Variants in CDIN1 observed in about 807,000 individuals in gnomAD.
The protein encoded by CDIN1 is CDAN1 interacting nuclease 1, also known as CDAN1-interacting nuclease 1.
A neutral mutation model predicts 45.3 loss-of-function variants in CDIN1; 33 were observed. That is an observed-to-expected ratio of 0.73 (90% confidence interval 0.55 to 0.97). CDIN1 has a LOEUF of 0.97. Among genes scored for constraint, CDIN1 ranks in the 50% least tolerant of loss-of-function variants. The pLI is 0.00. For missense variants in CDIN1, 303 were observed against 339.4 expected (o/e 0.89, Z 0.84); for synonymous variants, 118 against 124.4 (o/e 0.95, Z 0.34).
intron 10 of CDIN1, among the ~76,000 whole-genome samples, chr15:36,716,263 C>T (rs1408769348): frequency 1.3e-5 from 2 of 152,096 alleles, no homozygotes; most frequent in Non-Finnish European, 2.9e-5. Flanking sequence ...TGTTGACACC[C>T]ACTATGACAA....
intron 5 of CDIN1, among the ~76,000 whole-genome samples, chr15:36,680,019 A>G (rs1420508177): frequency 6.6e-6 from 1 of 152,218 alleles, no homozygotes; most frequent in Non-Finnish European, 1.5e-5. Context: ...TTGAGAATCT[A>G]ATAGAACTGA....
At chr15:36,746,906 T>C (rs1276802464) in intron 10 of CDIN1, 3 of 397,914 alleles carry the variant, frequency 7.5e-6, no homozygotes, top group Admixed American at 4.4e-5. Flanking sequence ...CATGCCACCA[T>C]GCCCAGCTAA....
At chr15:36,791,183 T>C (rs1347688300) in intron 10 of CDIN1, among the ~76,000 whole-genome samples, 2 of 152,316 alleles carry the variant, frequency 1.3e-5, no homozygotes, top group East Asian at 3.9e-4. Flanking sequence ...ATCTTACATA[T>C]GCCATAAGGT....
At position 36,709,311 on chromosome 15, in the gene CDIN1, G is replaced by A. The variant is rs1332699876; in HGVS notation, c.610+23G>A. 2.5e-6 allele frequency: 4 copies of A among 1,571,378 alleles called. No individual in the cohort carries two copies. The African/African-American group carries it at 4.1e-5, about 16-fold the overall frequency. On this transcript the variant is annotated intron_variant, in intron 9 of 10. Transcript: ENST00000566621. ...TTGGTAAGTTCTTTAACTCTGTTAT[G>A]CATTTGTTTTTAGAGAAAAGGGATG... is the stretch of plus-strand genomic sequence containing the variant.
At chr15:36,696,960 A>G (rs2140750581) in intron 7 of CDIN1, among the ~76,000 whole-genome samples, 1 of 150,592 alleles carries the variant, frequency 6.6e-6, no homozygotes, top group Non-Finnish European at 1.5e-5. Context: ...AAAAAAAAAA[A>G]AAAAAAAAAA....
intron 10 of CDIN1, among the ~76,000 whole-genome samples, chr15:36,729,921 T>C (rs2043778577): frequency 6.6e-6 from 1 of 152,204 alleles, no homozygotes; most frequent in Non-Finnish European, 1.5e-5. Context: ...ACCAGCATCA[T>C]GATTTGTTCT....
At chr15:36,610,136 T>C (rs928998470) in intron 1 of CDIN1, among the ~76,000 whole-genome samples, 1 of 152,124 alleles carries the variant, frequency 6.6e-6, no homozygotes, top group African/African-American at 2.4e-5. Flanking sequence ...AACTATAATA[T>C]AGGAAATATT....
chr15:36,612,438 AT>A (rs935453812), intron 1 of CDIN1, among the ~76,000 whole-genome samples: 3 of 152,092 alleles, frequency 2.0e-5, no homozygotes, highest in African/African-American at 7.2e-5. Context: ...GTTATTTGGG[AT>A]TGTATTTTCT....
chr15:36,596,161 A>G (rs1373667679), intron 1 of CDIN1, among the ~76,000 whole-genome samples: 1 of 144,590 alleles, frequency 6.9e-6, no homozygotes, highest in African/African-American at 2.6e-5. Flanking sequence ...TAGAGTCAGT[A>G]TCTTGTTGAT....
At chr15:36,727,309 T>C (rs1476656065) in intron 10 of CDIN1, among the ~76,000 whole-genome samples, 1 of 151,432 alleles carries the variant, frequency 6.6e-6, no homozygotes, top group Non-Finnish European at 1.5e-5. Context: ...AGACGCTGTT[T>C]ATCTGTCAGA....
intron 1 of CDIN1, among the ~76,000 whole-genome samples, chr15:36,634,486 C>G (rs917292181): frequency 2.0e-5 from 3 of 152,112 alleles, no homozygotes; most frequent in Non-Finnish European, 4.4e-5. Flanking sequence ...TACTTTATGG[C>G]CTTTGATTGT....
At chr15:36,636,205 CAAT>C (rs2039891432) in intron 1 of CDIN1, among the ~76,000 whole-genome samples, 2 of 152,104 alleles carry the variant, frequency 1.3e-5, no homozygotes, top group African/African-American at 2.4e-5. Context: ...CAAAGAGCCA[CAAT>C]TTGACTGTTA....
chr15:36,734,316 T>G lies in CDIN1; in HGVS notation c.716+24355T>G, dbSNP rs76536525. 1.2e-4 allele frequency: 47 copies of G among 392,528 alleles called. No homozygotes were observed. The East Asian group carries it at 3.3e-3, about 28-fold the overall frequency. 24.3% of individuals were successfully genotyped at this position (392,528 alleles called of 1,614,324 possible). ...ATGTTCATGTACACTTTGTTCATCCTTAGAACAATACTAATACTATGTAGT... is the reference window on the plus strand; with the variant it reads ...ATGTTCATGTACACTTTGTTCATCCGTAGAACAATACTAATACTATGTAGT... On this transcript the variant is annotated intron_variant, in intron 10 of 10. Transcript: ENST00000566621.
intron 10 of CDIN1, among the ~76,000 whole-genome samples, chr15:36,752,685 G>A (rs1447071708): frequency 1.3e-5 from 2 of 152,136 alleles, no homozygotes; most frequent in Non-Finnish European, 2.9e-5. Flanking sequence ...AGTTGCTACA[G>A]GTCTTAATAG....
intron 8 of CDIN1, chr15:36,705,414 T>G (rs1269031782): frequency 6.6e-6 from 1 of 152,146 alleles, no homozygotes; most frequent in African/African-American, 2.4e-5. Context: ...TTGATCAAAT[T>G]TAAATATTTG....
chr15:36,703,257 G>T (rs1399351981), intron 8 of CDIN1, among the ~76,000 whole-genome samples: 5 of 72,192 alleles, frequency 6.9e-5, no homozygotes, highest in East Asian at 5.2e-4. Context: ...ATCAGAAAGG[G>T]ATATATATAT....
chr15:36,740,746 G>A (rs748624805), intron 10 of CDIN1, among the ~76,000 whole-genome samples: 1 of 151,974 alleles, frequency 6.6e-6, no homozygotes, highest in Non-Finnish European at 1.5e-5. Context: ...AAAATCAGCC[G>A]GGCATGGTGG....
intron 9 of CDIN1, among the ~76,000 whole-genome samples, chr15:36,709,551 G>T (rs528218886): frequency 2.0e-5 from 3 of 152,074 alleles, no homozygotes; most frequent in Non-Finnish European, 2.9e-5. Context: ...CTTAAACATA[G>T]ATCTCTTGAA....
chr15:36,759,502 A>G (rs986763661), intron 10 of CDIN1, among the ~76,000 whole-genome samples: 1 of 152,202 alleles, frequency 6.6e-6, no homozygotes, highest in African/African-American at 2.4e-5. Flanking sequence ...CTAAAAAAAA[A>G]ACTCATTTAA....
Sources: gnomAD v4.1 joint callset for allele counts (sites outside exome capture counted in the v4.1 genomes callset) on GRCh38, gnomAD v4.1.1 for gene constraint, MANE v1.5 for transcripts, NCBI Gene and HGNC (gene_info 2026-07-23, HGNC 2026-07-21) for gene names.